Variants in LAMA3 observed in about 807,000 individuals in gnomAD.
The protein encoded by LAMA3 is laminin subunit alpha 3, also known as laminin subunit alpha-3.
LAMA3 carries 281 observed loss-of-function variants against 402.0 expected under a neutral mutation model. The ratio of observed to expected loss-of-function variants is 0.70; its 90% CI spans 0.63 to 0.77. LAMA3 has a LOEUF of 0.77. Among genes scored for constraint, LAMA3 ranks in the 30% least tolerant of loss-of-function variants. The pLI, the probability that LAMA3 is intolerant of heterozygous loss-of-function variation, is 0.00. For missense variants in LAMA3, 3,840 were observed against 4,215.5 expected (o/e 0.91, Z 2.47); for synonymous variants, 1,431 against 1,558.4 (o/e 0.92, Z 1.93).
intron 18 of LAMA3, among the ~76,000 whole-genome samples, chr18:23,817,540 G>A (rs1568216009): frequency 1.3e-5 from 2 of 151,758 alleles, no homozygotes. Flanking sequence ...AGTGAGACCC[G>A]ATCCCTATAA....
intron 42 of LAMA3, among the ~76,000 whole-genome samples, chr18:23,891,782 C>T (rs2080675435): frequency 6.6e-6 from 1 of 152,160 alleles, no homozygotes; most frequent in African/African-American, 2.4e-5. Flanking sequence ...TGTGGTGTGG[C>T]CCCTAAGATA....
At chr18:23,742,738 G>A (rs1186014379) in intron 2 of LAMA3, among the ~76,000 whole-genome samples, 1 of 152,036 alleles carries the variant, frequency 6.6e-6, no homozygotes, top group African/African-American at 2.4e-5. Context: ...AAAAGCATGT[G>A]AGTATTCATT....
chr18:23,850,582 G>A (rs187818844), intron 32 of LAMA3, among the ~76,000 whole-genome samples: 4 of 152,184 alleles, frequency 2.6e-5, no homozygotes, highest in East Asian at 1.9e-4. Flanking sequence ...ATTGTATCAC[G>A]GACTATATTG....
intron 73 of LAMA3, 34 bp from the exon 74 acceptor site, chr18:23,952,956 C>G: frequency 6.2e-7 from 1 of 1,613,444 alleles, no homozygotes; most frequent in Non-Finnish European, 8.5e-7. Context: ...GGGCTCACCT[C>G]CGATGATAGA....
chr18:23,855,165 C>T (rs2064043086), intron 32 of LAMA3, among the ~76,000 whole-genome samples: 1 of 152,184 alleles, frequency 6.6e-6, no homozygotes, highest in Non-Finnish European at 1.5e-5. Flanking sequence ...CTACCACCAG[C>T]ATCTTATTAA....
At chr18:23,787,823 A>T (rs530556278) in intron 12 of LAMA3, among the ~76,000 whole-genome samples, 20 of 152,310 alleles carry the variant, frequency 1.3e-4, no homozygotes, top group African/African-American at 4.6e-4. Context: ...AATAGACATA[A>T]TAAAGGATGT....
chr18:23,835,173 G>A (rs796650370), intron 24 of LAMA3, among the ~76,000 whole-genome samples: 16 of 152,270 alleles, frequency 1.1e-4, no homozygotes, highest in African/African-American at 3.9e-4. Context: ...TAGCCGCAGG[G>A]CCTGGACCAG....
chr18:23,943,999 C>T (rs770441714), intron 69 of LAMA3, 28 bp downstream of exon 69: 1 of 1,605,334 alleles, frequency 6.2e-7, no homozygotes, highest in South Asian at 1.1e-5. Context: ...GTCAGTATCT[C>T]CAGTTGGTGT....
At chr18:23,713,858 AT>A in intron 1 of LAMA3, 61 bp from the exon 2 acceptor site, 3 of 1,506,326 alleles carry the variant, frequency 2.0e-6, no homozygotes, top group Non-Finnish European at 2.7e-6. Flanking sequence ...ATAAGAAAAA[AT>A]TACTTGAAAG....
chr18:23,744,515 G>T (rs1385011766), intron 2 of LAMA3, among the ~76,000 whole-genome samples: 5 of 151,984 alleles, frequency 3.3e-5, no homozygotes, highest in African/African-American at 1.2e-4. Flanking sequence ...GCTAGAGTTG[G>T]GATTTTTAAG....
intron 2 of LAMA3, among the ~76,000 whole-genome samples, chr18:23,734,131 CACT>C (rs2061436116): frequency 6.6e-6 from 1 of 152,210 alleles, no homozygotes; most frequent in Non-Finnish European, 1.5e-5. Flanking sequence ...CTTCTACCAC[CACT>C]GATTTCCAAC....
At chr18:23,908,823 A>G (rs2081341247) in intron 54 of LAMA3, among the ~76,000 whole-genome samples, 1 of 152,256 alleles carries the variant, frequency 6.6e-6, no homozygotes, top group African/African-American at 2.4e-5. Flanking sequence ...CAGCAAGGAT[A>G]TGCTGGAAAA....
chr18:23,703,828 C>T (rs576122325), intron 1 of LAMA3, among the ~76,000 whole-genome samples: 1 of 152,266 alleles, frequency 6.6e-6, no homozygotes, highest in East Asian at 1.9e-4. Flanking sequence ...TCACCACTCA[C>T]CCCAGTATAT....
intron 48 of LAMA3, among the ~76,000 whole-genome samples, chr18:23,902,623 C>G (rs1326149966): frequency 6.6e-6 from 1 of 152,174 alleles, no homozygotes; most frequent in African/African-American, 2.4e-5. Context: ...TTCCGTGTGA[C>G]CTCTCGGTCA....
intron 31 of LAMA3, 97 bp from the exon 32 acceptor site, chr18:23,847,367 C>G (rs2063839648): frequency 7.7e-7 from 1 of 1,296,398 alleles, no homozygotes; most frequent in South Asian, 1.2e-5. Flanking sequence ...CTCTCTGACC[C>G]TTTGGAGGCT....
chr18:23,785,235 G>A (rs987395121), intron 12 of LAMA3, among the ~76,000 whole-genome samples: 9 of 152,136 alleles, frequency 5.9e-5, no homozygotes, highest in African/African-American at 1.9e-4. Context: ...AAACCCAATT[G>A]GCATCCAGAG....
At chr18:23,790,332 A>G (rs933770563) in intron 12 of LAMA3, among the ~76,000 whole-genome samples, 1 of 152,248 alleles carries the variant, frequency 6.6e-6, no homozygotes, top group African/African-American at 2.4e-5. Context: ...ATTAGAATGC[A>G]TCATAAGTGT....
chr18:23,951,148 A>G (rs1429860372), intron 72 of LAMA3, among the ~76,000 whole-genome samples: 2 of 152,238 alleles, frequency 1.3e-5, no homozygotes, highest in Admixed American at 6.5e-5. Context: ...TGATTTAGAA[A>G]GCAGGAATGT....
rs763417956 is a variant in LAMA3, at chr18:23,921,478, A to G, written c.8070A>G (p.Gln2690=). ...TTCAGATCAAAATTGGAAAACTCCA[A>G]AAGCGTATGTGGATAAATGTGGACG... is the stretch of plus-strand genomic sequence containing the variant. The part of the protein sequence containing the change: ...HSIQIKIGKL[Q]KRMWINVDVQ... Residue 2690 remains glutamine, a synonymous_variant, in exon 62 of 75, where the codon CAA becomes CAG. Transcript: ENST00000313654. 1 of 1,613,390 alleles carries G rather than the reference A, an allele frequency of 6.2e-7. No homozygotes were observed. The highest frequency in any genetic ancestry group is 2.2e-5 in the East Asian group (1 of 44,858).
Sources: gnomAD v4.1 joint callset for allele counts (sites outside exome capture counted in the v4.1 genomes callset) on GRCh38, gnomAD v4.1.1 for gene constraint, MANE v1.5 for transcripts, NCBI Gene and HGNC (gene_info 2026-07-23, HGNC 2026-07-21) for gene names.